Variants in CLSTN2 observed in about 807,000 individuals in gnomAD.
The protein encoded by CLSTN2 is calsyntenin 2.
CLSTN2 carries 48 observed loss-of-function variants against 101.2 expected under a neutral mutation model. The observed-to-expected ratio is 0.47, with a 90% confidence interval of 0.38 to 0.60. The LOEUF is 0.60. Ranked by LOEUF, CLSTN2 falls within the 20% of genes least tolerant of loss-of-function variation. The pLI is 0.00. For missense variants in CLSTN2, 1,160 were observed against 1,238.2 expected (o/e 0.94, Z 0.95); for synonymous variants, 481 against 463.6 (o/e 1.04, Z -0.48).
intron 1 of CLSTN2, among the ~76,000 whole-genome samples, chr3:140,135,117 C>CATACATAT: frequency 1.7e-5 from 1 of 58,106 alleles, no homozygotes; most frequent in Non-Finnish European, 3.0e-5. Flanking sequence ...CACACACACA[C>CATACATAT]ATATATATAT....
intron 2 of CLSTN2, among the ~76,000 whole-genome samples, chr3:140,358,692 C>G (rs1367133939): frequency 6.6e-6 from 1 of 152,098 alleles, no homozygotes; most frequent in Non-Finnish European, 1.5e-5. Flanking sequence ...GGAGCATTCT[C>G]AGAAGTATCA....
intron 4 of CLSTN2, among the ~76,000 whole-genome samples, chr3:140,405,447 G>A (rs1053953889): frequency 3.9e-5 from 6 of 151,978 alleles, no homozygotes; most frequent in Admixed American, 6.5e-5. Context: ...GGCCAGTCTC[G>A]AACTCCTGAC....
At chr3:140,244,346 T>C (rs1214361001) in intron 2 of CLSTN2, among the ~76,000 whole-genome samples, 1 of 152,198 alleles carries the variant, frequency 6.6e-6, no homozygotes, top group Non-Finnish European at 1.5e-5. Flanking sequence ...CAAACTGACA[T>C]CACTGCCTTT....
chr3:140,278,121 C>A (rs559467214), intron 2 of CLSTN2, among the ~76,000 whole-genome samples: 1 of 152,188 alleles, frequency 6.6e-6, no homozygotes, highest in East Asian at 1.9e-4. Flanking sequence ...AGGGGGCTTA[C>A]GCCTAAACTC....
At chr3:140,184,666 G>A (rs1038448765) in intron 2 of CLSTN2, among the ~76,000 whole-genome samples, 2 of 152,102 alleles carry the variant, frequency 1.3e-5, no homozygotes, top group Non-Finnish European at 2.9e-5. Context: ...ACTACTAAAG[G>A]GCGTGGGGGG....
At chr3:140,068,733 A>G (rs968854282) in intron 1 of CLSTN2, among the ~76,000 whole-genome samples, 3 of 152,224 alleles carry the variant, frequency 2.0e-5, no homozygotes, top group African/African-American at 7.2e-5. Context: ...TCCTAATAAG[A>G]AGACCAATTT....
chr3:140,403,875 C>T (rs1201332512), intron 3 of CLSTN2, 51 bp downstream of exon 3: 2 of 1,400,164 alleles, frequency 1.4e-6, no homozygotes, highest in Non-Finnish European at 2.0e-6. Flanking sequence ...CGTGCCCACC[C>T]CACTTCATTC....
chr3:140,417,588 G>A (rs1218731798), intron 4 of CLSTN2, among the ~76,000 whole-genome samples: 2 of 152,098 alleles, frequency 1.3e-5, no homozygotes, highest in Admixed American at 6.5e-5. Context: ...GGTAGGGACT[G>A]GTTGTTCTTT....
At chr3:139,986,930 A>C (rs1368100609) in intron 1 of CLSTN2, among the ~76,000 whole-genome samples, 1 of 152,154 alleles carries the variant, frequency 6.6e-6, no homozygotes, top group African/African-American at 2.4e-5. Context: ...CTGGGTATCT[A>C]TATGGAAAGA....
At chr3:140,242,359 G>A (rs2086477867) in intron 2 of CLSTN2, among the ~76,000 whole-genome samples, 1 of 152,146 alleles carries the variant, frequency 6.6e-6, no homozygotes, top group South Asian at 2.1e-4. Context: ...TGAGACATTA[G>A]CAGAAATGTG....
At chr3:140,005,999 C>G (rs2006945500) in intron 1 of CLSTN2, among the ~76,000 whole-genome samples, 1 of 152,188 alleles carries the variant, frequency 6.6e-6, no homozygotes, top group African/African-American at 2.4e-5. Flanking sequence ...GAGTTAATAT[C>G]TAAGTTCATT....
intron 2 of CLSTN2, among the ~76,000 whole-genome samples, chr3:140,251,812 G>T (rs1026038957): frequency 1.3e-5 from 2 of 152,074 alleles, no homozygotes; most frequent in African/African-American, 4.8e-5. Flanking sequence ...CAACACAAAA[G>T]AATGCGTTGA....
intron 2 of CLSTN2, among the ~76,000 whole-genome samples, chr3:140,314,258 C>A (rs1422600699): frequency 3.3e-5 from 5 of 152,234 alleles, no homozygotes; most frequent in African/African-American, 1.2e-4. Context: ...GCCAAGCACT[C>A]TTTCAAGTGA....
chr3:140,402,937 A>G (rs572340035), intron 2 of CLSTN2, among the ~76,000 whole-genome samples: 1 of 152,150 alleles, frequency 6.6e-6, no homozygotes, highest in African/African-American at 2.4e-5. Flanking sequence ...AATTTTCTCA[A>G]TAGGGAAAGA....
At chr3:140,296,995 G>A (rs2087011312) in intron 2 of CLSTN2, among the ~76,000 whole-genome samples, 1 of 152,196 alleles carries the variant, frequency 6.6e-6, no homozygotes, top group Non-Finnish European at 1.5e-5. Context: ...GACAGACAGA[G>A]GAGTGCTGAA....
At chr3:140,036,443 G>A (rs1358275346) in intron 1 of CLSTN2, among the ~76,000 whole-genome samples, 5 of 152,058 alleles carry the variant, frequency 3.3e-5, no homozygotes, top group Non-Finnish European at 7.3e-5. Context: ...GAATCAGAGG[G>A]CATTGTTCAT....
chr3:140,098,131 A>C (rs2008902884), intron 1 of CLSTN2, among the ~76,000 whole-genome samples: 1 of 152,142 alleles, frequency 6.6e-6, no homozygotes, highest in African/African-American at 2.4e-5. Flanking sequence ...AAAACAAAAA[A>C]ACTTTATTTT....
At chr3:140,545,066 T>G (rs529256796) in intron 9 of CLSTN2, among the ~76,000 whole-genome samples, 11 of 152,160 alleles carry the variant, frequency 7.2e-5, no homozygotes, top group Non-Finnish European at 1.3e-4. Context: ...GGGTAAGAAC[T>G]CTAAAGAGAA....
chr3:140,539,509 T>G (rs1935426121), intron 9 of CLSTN2, among the ~76,000 whole-genome samples: 1 of 152,154 alleles, frequency 6.6e-6, no homozygotes, highest in African/African-American at 2.4e-5. Context: ...TTAGAAGATT[T>G]GATGAGGGTC....
Sources: gnomAD v4.1 joint callset for allele counts (sites outside exome capture counted in the v4.1 genomes callset) on GRCh38, gnomAD v4.1.1 for gene constraint, MANE v1.5 for transcripts, NCBI Gene and HGNC (gene_info 2026-07-23, HGNC 2026-07-21) for gene names.